Variants in TMPRSS6 observed in about 807,000 individuals in gnomAD.
TMPRSS6 encodes the protein transmembrane protease serine 6.
Under a neutral mutation model 101.5 loss-of-function variants are expected in TMPRSS6, and 67 were observed. That is an observed-to-expected ratio of 0.66 (90% CI 0.54 to 0.81). The LOEUF is 0.81. Ranked by LOEUF, TMPRSS6 falls within the 30% of genes least tolerant of loss-of-function variation. The pLI is 0.00. For missense variants in TMPRSS6, 1,034 were observed against 1,088.7 expected, an observed-to-expected ratio of 0.95 and a Z score of 0.71; for synonymous variants, 453 against 464.9, an observed-to-expected ratio of 0.97 and a Z score of 0.33.
At chr22:37,109,029 C>T (rs1359212960) in intron 1 of TMPRSS6, among the ~76,000 whole-genome samples, 5 of 152,122 alleles carry the variant, frequency 3.3e-5, no homozygotes, top group Admixed American at 2.0e-4. Context: ...GACACACACA[C>T]GAACACACAT....
At position 37,098,549 on chromosome 22, in the gene TMPRSS6, C is replaced by A. The variant is rs769129374; in HGVS notation, c.203G>T (p.Gly68Val). 3.1e-6 allele frequency: 5 copies of A among 1,614,096 alleles called. No homozygotes were observed. In the East Asian group the frequency reaches 8.9e-5, roughly 29 times the overall value. ...SAGVLLWYFL[G>V]YKAEVMVSQV... The stretch of plus-strand genomic sequence containing the variant: ...GCTGACCATCACCTCCGCCTTGTAC[C>A]CTGCCCAGGAAGGAACCAGCAGGGT... Residue 68 changes from glycine (G) to valine (V), a missense_variant and splice_region_variant, in exon 3 of 18, where the codon GGG (glycine) becomes GTG (valine). Gly to Val is a moderately radical substitution (Grantham distance 109, BLOSUM62 -3). Transcript: ENST00000676104.
rs949652891 is a variant in TMPRSS6, at chr22:37,070,465, C to T, written c.1841+19G>A. The T allele has an allele frequency of 6.2e-7, 1 of 1,613,334 alleles. No individual in the cohort carries two copies. The highest frequency in any genetic ancestry group is 8.5e-7 in the Non-Finnish European group (1 of 1,179,898). The stretch of plus-strand genomic sequence containing the variant: ...GCCCTTGTCTCTTACTGCCTAGGCC[C>T]CCACACCCTCCCGCTCACCTGTCCT... On this transcript the variant is annotated intron_variant, in intron 15 of 17. Coordinates refer to ENST00000676104, the MANE Select transcript of TMPRSS6 (RefSeq NM_001374504.1).
intron 10 of TMPRSS6, among the ~76,000 whole-genome samples, chr22:37,078,959 GAA>G (rs1569005901): frequency 1.1e-5 from 1 of 93,380 alleles, no homozygotes; most frequent in Non-Finnish European, 2.3e-5. Context: ...GAGAAAAAGA[GAA>G]AGAAAGAAAG....
intron 7 of TMPRSS6, 92 bp downstream of exon 7, chr22:37,089,486 C>T: frequency 7.7e-7 from 1 of 1,301,980 alleles, no homozygotes; most frequent in South Asian, 1.3e-5. Context: ...CCTACCCTCC[C>T]TTGTCTAAGA....
chr22:37,093,020 C>T (rs1199650795), intron 6 of TMPRSS6, among the ~76,000 whole-genome samples: 1 of 152,188 alleles, frequency 6.6e-6, no homozygotes, highest in South Asian at 2.1e-4. Flanking sequence ...CCTCATGGGG[C>T]TTAAAGCTCC....
In TMPRSS6 at chr22:37,065,511, T is replaced by C. The variant is rs1219558055; in HGVS notation, c.*569A>G. The C allele has an allele frequency of 6.4e-5, 10 of 156,396 alleles. No homozygotes were observed. Among genetic ancestry groups the C allele is most frequent in the South Asian group, 1.9e-4 (1 of 5,174 alleles). 9.7% of individuals were successfully genotyped at this position (156,396 alleles called of 1,614,324 possible). A position where few individuals can be genotyped will look rare whatever the true frequency, so the allele number is the denominator to read the frequency against. On this transcript the variant is annotated 3_prime_UTR_variant, in exon 18 of 18. Transcript: ENST00000676104. Reference sequence around the variant, plus strand: ...AGGGTCTGGGCTGTGAGGGCCCAGGTGGCAGGCAGGGGTGGGGCAAGGACC... The same window carrying C: ...AGGGTCTGGGCTGTGAGGGCCCAGGCGGCAGGCAGGGGTGGGGCAAGGACC...
Position 37,096,101 on chromosome 22 carries a change from C to T in TMPRSS6, c.405-11G>A. ...GTGAGGGGTCCCTCCCTAAGGCAGG[C>T]AGAAGTGAGAGAGGCCAGGGAAGGA... On this transcript the variant is annotated splice_polypyrimidine_tract_variant and intron_variant, in intron 4 of 17. Transcript: ENST00000676104. The T allele has an allele frequency of 6.2e-7, 1 of 1,614,002 alleles. No individual in the cohort carries two copies. The highest frequency in any genetic ancestry group is 8.5e-7 in the Non-Finnish European group (1 of 1,180,004).
At chr22:37,088,302 A>G (rs1375676902) in intron 7 of TMPRSS6, among the ~76,000 whole-genome samples, 1 of 152,080 alleles carries the variant, frequency 6.6e-6, no homozygotes, top group Non-Finnish European at 1.5e-5. Context: ...CAGCTTGGAG[A>G]GGCCCTGGGG....
chr22:37,086,444 G>C (rs754348223), intron 7 of TMPRSS6, 25 bp from the exon 8 acceptor site: 3 of 1,561,548 alleles, frequency 1.9e-6, no homozygotes, highest in Middle Eastern at 1.7e-4. Flanking sequence ...AGGTGGCAAG[G>C]CTGGGCTGGG....
chr22:37,077,140 C>T (rs955737962), intron 10 of TMPRSS6, among the ~76,000 whole-genome samples: 6 of 152,162 alleles, frequency 3.9e-5, no homozygotes, highest in East Asian at 1.9e-4. Flanking sequence ...CCTCATTGCA[C>T]GGGGATTCTG....
intron 16 of TMPRSS6, among the ~76,000 whole-genome samples, chr22:37,068,224 CATT>C (rs1195964760): frequency 6.6e-6 from 1 of 152,172 alleles, no homozygotes; most frequent in Non-Finnish European, 1.5e-5. Context: ...CAGAAAGTGT[CATT>C]GAGTGACTGA....
intron 6 of TMPRSS6, among the ~76,000 whole-genome samples, chr22:37,093,434 G>A (rs1342960879): frequency 6.1e-5 from 7 of 114,424 alleles, no homozygotes; most frequent in East Asian, 2.6e-4. Flanking sequence ...TCACTCTGTC[G>A]CCCAGGCTGG....
In TMPRSS6 at chr22:37,070,488, C is replaced by T. The variant is rs1452838322; in HGVS notation, c.1837G>A (p.Asp613Asn). The change falls in exon 15 of 18, where the codon GAC becomes AAC. Residue 613 changes from aspartate (D) to asparagine (N), a missense_variant. Physicochemically the swap from Asp to Asn is conservative, Grantham distance 23 (BLOSUM62 1). Transcript: ENST00000676104. ...CCCCCACACCCTCCCGCTCACCTGT[C>T]CTCCTGGAAGCAGTGGGCAGCTGTT... ...VITAAHCFQE[D>N]SMASTVLWTV... The T allele has an allele frequency of 3.1e-6, 5 of 1,613,398 alleles. No individual in the cohort carries two copies. In the African/African-American group the frequency reaches 6.7e-5, roughly 22 times the overall value.
At chr22:37,090,019 G>C (rs184688733) in intron 6 of TMPRSS6, among the ~76,000 whole-genome samples, 1 of 152,220 alleles carries the variant, frequency 6.6e-6, no homozygotes, top group African/African-American at 2.4e-5. Context: ...TGAGCTTCAC[G>C]CCTTCTCAGT....
intron 10 of TMPRSS6, among the ~76,000 whole-genome samples, chr22:37,078,965 AAG>A (rs1247193223): frequency 1.3e-5 from 1 of 77,808 alleles, no homozygotes; most frequent in South Asian, 5.0e-4. Context: ...AAGAGAAAGA[AAG>A]AAAGAAAAAG....
Position 37,095,412 on chromosome 22 carries a change from C to T in TMPRSS6, c.631+139G>A, listed in dbSNP as rs909024121. 7 of 1,080,940 alleles carry T rather than the reference C, an allele frequency of 6.5e-6. No individual in the cohort carries two copies. The African/African-American group carries it at 1.1e-4, about 17-fold the overall frequency. 67.0% of individuals were successfully genotyped at this position (1,080,940 alleles called of 1,614,324 possible). The stretch of plus-strand genomic sequence containing the variant: ...TGCTTGGGACACATCGCTGAGTCCA[C>T]CATGGCATCCCCTGGGTGACTCTTG... On this transcript the variant is annotated intron_variant, in intron 6 of 17. Transcript: ENST00000676104.
intron 1 of TMPRSS6, among the ~76,000 whole-genome samples, chr22:37,105,501 G>A (rs940349172): frequency 2.8e-4 from 42 of 152,334 alleles, no homozygotes; most frequent in African/African-American, 7.5e-4. Flanking sequence ...AGTCCCCAGC[G>A]CAGAGCTGCC....
intron 13 of TMPRSS6, among the ~76,000 whole-genome samples, chr22:37,072,619 C>A (rs855790): frequency 7.7e-6 from 1 of 130,346 alleles, no homozygotes; most frequent in Admixed American, 7.5e-5. Flanking sequence ...GGATGATGGA[C>A]GATGGATGGA....
At chr22:37,093,814 G>T (rs1466235035) in intron 6 of TMPRSS6, among the ~76,000 whole-genome samples, 1 of 151,748 alleles carries the variant, frequency 6.6e-6, no homozygotes, top group African/African-American at 2.4e-5. Flanking sequence ...CCTGAGGTCA[G>T]GAGCTCGAGA....
Sources: allele counts gnomAD v4.1 joint callset (sites outside exome capture counted in the v4.1 genomes callset), GRCh38; gene constraint gnomAD v4.1.1; transcripts MANE v1.5; gene names NCBI Gene and HGNC (gene_info 2026-07-23, HGNC 2026-07-21).